The following KPNA4 variants were observed in gnomAD, a reference collection of about 807,000 sequenced individuals.
KPNA4 encodes karyopherin subunit alpha 4.
KPNA4 carries 13 observed loss-of-function variants against 71.3 expected under a neutral mutation model. The ratio of observed to expected loss-of-function variants is 0.18; its 90% CI spans 0.12 to 0.29. The LOEUF (loss-of-function observed/expected upper bound fraction) is 0.29, where lower values mean the gene tolerates loss of function less well. KPNA4 is among the 10% of genes least tolerant of loss of function. The pLI is 1.00. For missense variants in KPNA4, 334 were observed against 603.2 expected, an observed-to-expected ratio of 0.55 and a Z score of 4.67; for synonymous variants, 189 against 195.2, an observed-to-expected ratio of 0.97 and a Z score of 0.26.
At chr3:160,523,452 A>G (rs757178941) in intron 10 of KPNA4, among the ~76,000 whole-genome samples, 6 of 152,264 alleles carry the variant, frequency 3.9e-5, no homozygotes, top group Non-Finnish European at 8.8e-5. Context: ...CCAAAAAGAC[A>G]CCCCGAAACT....
intron 13 of KPNA4, among the ~76,000 whole-genome samples, chr3:160,511,594 A>C (rs1241270756): frequency 6.6e-6 from 1 of 152,036 alleles, no homozygotes; most frequent in Non-Finnish European, 1.5e-5. Context: ...GTGCTATGGG[A>C]CTGACATTTT....
intron 16 of KPNA4, among the ~76,000 whole-genome samples, chr3:160,503,355 C>G (rs923645159): frequency 6.6e-6 from 1 of 151,924 alleles, no homozygotes; most frequent in Admixed American, 6.6e-5. Flanking sequence ...TTCTGGGCAC[C>G]AATATGATGC....
At chr3:160,554,552 A>C (rs1392326243) in intron 1 of KPNA4, among the ~76,000 whole-genome samples, 1 of 152,154 alleles carries the variant, frequency 6.6e-6, no homozygotes, top group South Asian at 2.1e-4. Flanking sequence ...GGCTAATGAG[A>C]TGACTGGTGA....
Position 160,511,314 on chromosome 3 carries a change from C to G in KPNA4, c.1138-1443G>C, listed in dbSNP as rs538789876. On this transcript the variant is annotated intron_variant, in intron 13 of 16. Transcript: ENST00000334256. The stretch of plus-strand genomic sequence containing the variant: ...TAGAGATGGGGTTTTGCTGTGTTAG[C>G]CAGGATGGTCTCGATCTCCTGACTT... 9.2e-5 allele frequency among the ~76,000 whole-genome samples: 14 copies of G among 151,656 alleles called. No individual in the cohort carries two copies. The East Asian group carries it at 2.7e-3, about 30-fold the overall frequency.
intron 1 of KPNA4, among the ~76,000 whole-genome samples, chr3:160,553,664 T>C (rs1026503150): frequency 6.6e-6 from 1 of 152,134 alleles, no homozygotes; most frequent in Non-Finnish European, 1.5e-5. Context: ...CCCACTAGGA[T>C]AGGATTTTAA....
intron 1 of KPNA4, among the ~76,000 whole-genome samples, chr3:160,561,641 A>G (rs889124109): frequency 6.6e-6 from 1 of 152,072 alleles, no homozygotes; most frequent in Non-Finnish European, 1.5e-5. Context: ...TTCAACTCTA[A>G]CACTCAGAAA....
rs375749286 is a variant in KPNA4, at chr3:160,508,091, C to T, written c.1372+16G>A. ...AGAACATTAAGATGTGGAATAAGAGCTTATAATAAACTTACCTCCACATTC... is the reference window on the plus strand; with the variant it reads ...AGAACATTAAGATGTGGAATAAGAGTTTATAATAAACTTACCTCCACATTC... On this transcript the variant is annotated intron_variant, in intron 15 of 16. Coordinates refer to ENST00000334256, the MANE Select transcript of KPNA4 (RefSeq NM_002268.5). 12 of 1,580,980 alleles carry T rather than the reference C, an allele frequency of 7.6e-6. No individual in the cohort carries two copies. Among genetic ancestry groups the T allele is most frequent in the Non-Finnish European group, 1.0e-5 (12 of 1,163,834 alleles).
At chr3:160,516,657 A>C (rs1313302858) in intron 11 of KPNA4, among the ~76,000 whole-genome samples, 1 of 151,926 alleles carries the variant, frequency 6.6e-6, no homozygotes, top group Non-Finnish European at 1.5e-5. Flanking sequence ...CTGTAGTCCC[A>C]GCTACTTGGG....
At chr3:160,543,894 GC>G (rs1721854285) in intron 1 of KPNA4, among the ~76,000 whole-genome samples, 2 of 151,484 alleles carry the variant, frequency 1.3e-5, no homozygotes, top group African/African-American at 4.9e-5. Flanking sequence ...TTTCGCTCTT[GC>G]TGCCCAGGCT....
rs144892346 is a variant in KPNA4 at position 160,531,744 on chromosome 3, T to C, written c.288-187A>G. 3.5e-3 allele frequency among the ~76,000 whole-genome samples: 533 copies of C among 152,258 alleles called. 3 individuals carry two copies. The highest frequency in any genetic ancestry group is 0.011 in the African/African-American group (471 of 41,572). On this transcript the variant is annotated intron_variant, in intron 5 of 16. Coordinates refer to ENST00000334256, the MANE Select transcript of KPNA4 (RefSeq NM_002268.5). Reference sequence around the variant, plus strand: ...TAAAAAGATATACAAATTAAATTTATAGAGATGACAAATAATTAGAAAAAT... The same window carrying C: ...TAAAAAGATATACAAATTAAATTTACAGAGATGACAAATAATTAGAAAAAT...
At chr3:160,557,634 G>A (rs145281990) in intron 1 of KPNA4, among the ~76,000 whole-genome samples, 174 of 152,150 alleles carry the variant, frequency 1.1e-3, no homozygotes, top group Middle Eastern at 6.8e-3. Flanking sequence ...AATTTTGTCC[G>A]AATAGTAAAT....
At chr3:160,515,115 A>G (rs780830015) in intron 12 of KPNA4, 1 of 520,380 alleles carries the variant, frequency 1.9e-6, no homozygotes, top group Non-Finnish European at 3.8e-6. Flanking sequence ...ACACACATGC[A>G]TACACACTCT....
intron 15 of KPNA4, 78 bp from the exon 16 acceptor site, chr3:160,505,130 T>C (rs574268178): frequency 1.4e-6 from 1 of 701,016 alleles, no homozygotes; most frequent in Non-Finnish European, 2.1e-6. Flanking sequence ...TTGGAACACA[T>C]AATCCAATTT....
At chr3:160,544,496 T>C (rs1226372547) in intron 1 of KPNA4, among the ~76,000 whole-genome samples, 1 of 152,228 alleles carries the variant, frequency 6.6e-6, no homozygotes, top group African/African-American at 2.4e-5. Flanking sequence ...CTACCAAGAA[T>C]GATCACTTCT....
chr3:160,516,134 G>GT, intron 11 of KPNA4, among the ~76,000 whole-genome samples: 1 of 151,956 alleles, frequency 6.6e-6, no homozygotes, highest in Non-Finnish European at 1.5e-5. Flanking sequence ...TTACAGGCGC[G>GT]TGCCACCATA....
intron 1 of KPNA4, among the ~76,000 whole-genome samples, chr3:160,548,456 T>C (rs927336757): frequency 2.6e-5 from 4 of 152,114 alleles, no homozygotes; most frequent in African/African-American, 4.8e-5. Context: ...AACAACTCCC[T>C]ATCTCCTTCC....
At chr3:160,560,507 A>C (rs1722222709) in intron 1 of KPNA4, among the ~76,000 whole-genome samples, 1 of 151,520 alleles carries the variant, frequency 6.6e-6, no homozygotes, top group African/African-American at 2.4e-5. Flanking sequence ...AAATAGATGA[A>C]TGCTACTCCA....
chr3:160,530,657 G>A (rs1318507959), intron 7 of KPNA4, among the ~76,000 whole-genome samples, 198 bp downstream of exon 7: 1 of 152,134 alleles, frequency 6.6e-6, no homozygotes, highest in Non-Finnish European at 1.5e-5. Context: ...GGAATCAAGT[G>A]AATTTTTGGA....
In KPNA4 at chr3:160,498,019, G is replaced by C. The variant is rs138001296; in HGVS notation, c.*4085C>G. 228 of 152,212 alleles carry C rather than the reference G, an allele frequency of 1.5e-3. No homozygotes were observed. Among genetic ancestry groups the C allele is most frequent in the African/African-American group, 5.4e-3 (224 of 41,528 alleles). 9.4% of individuals were successfully genotyped at this position (152,212 alleles called of 1,614,324 possible). On this transcript the variant is annotated 3_prime_UTR_variant, in exon 17 of 17. Coordinates refer to ENST00000334256, the MANE Select transcript of KPNA4 (RefSeq NM_002268.5). ...TTTGCATTGGTTCACAAATTTAAAT[G>C]AATTTAGATTACCTTTAGAATAGTA...
Sources: gnomAD v4.1 joint callset for allele counts (sites outside exome capture counted in the v4.1 genomes callset) on GRCh38, gnomAD v4.1.1 for gene constraint, MANE v1.5 for transcripts, NCBI Gene and HGNC (gene_info 2026-07-23, HGNC 2026-07-21) for gene names.